Variants in TLE4 observed in about 807,000 individuals in gnomAD.
The protein encoded by TLE4 is transducin-like enhancer protein 4.
Under a neutral mutation model 92.8 loss-of-function variants are expected in TLE4, and 8 were observed. The ratio of observed to expected loss-of-function variants is 0.09; its 90% CI spans 0.05 to 0.16. The LOEUF (loss-of-function observed/expected upper bound fraction) is 0.16. Among genes scored for constraint, TLE4 ranks in the 10% least tolerant of loss-of-function variants. The probability of loss-of-function intolerance (pLI) is 1.00; values close to 1 mark genes in which losing one functional copy is unlikely to be tolerated. For synonymous variants in TLE4, 371 were observed against 374.1 expected (o/e 0.99, Z 0.10); for missense variants, 675 against 997.6 (o/e 0.68, Z 4.36).
At chr9:79,613,366 C>T (rs1478843286) in intron 5 of TLE4, among the ~76,000 whole-genome samples, 1 of 152,040 alleles carries the variant, frequency 6.6e-6, no homozygotes, top group African/African-American at 2.4e-5. Flanking sequence ...AGGGGAAGTG[C>T]ATGCCATCAG....
intron 8 of TLE4, among the ~76,000 whole-genome samples, chr9:79,658,352 T>C: frequency 6.6e-6 from 1 of 152,248 alleles, no homozygotes; most frequent in East Asian, 1.9e-4. Flanking sequence ...AATGCTTTTC[T>C]CTGGGTATAT....
chr9:79,621,074 T>G (rs753221967), intron 5 of TLE4, among the ~76,000 whole-genome samples: 3 of 152,184 alleles, frequency 2.0e-5, no homozygotes, highest in Non-Finnish European at 1.5e-5. Flanking sequence ...GGGACAAATA[T>G]GCAAACTGTA....
At chr9:79,636,779 A>G (rs1481102076) in intron 6 of TLE4, among the ~76,000 whole-genome samples, 1 of 152,092 alleles carries the variant, frequency 6.6e-6, no homozygotes, top group Non-Finnish European at 1.5e-5. Flanking sequence ...AATCTCATTC[A>G]CTTTTGTAGC....
chr9:79,666,997 C>T (rs1245151670), intron 8 of TLE4, among the ~76,000 whole-genome samples: 1 of 152,228 alleles, frequency 6.6e-6, no homozygotes, highest in African/African-American at 2.4e-5. Flanking sequence ...TTCTCAGGCA[C>T]TTTGGAGTTC....
chr9:79,603,963 A>G (rs543213790), intron 4 of TLE4, among the ~76,000 whole-genome samples: 1 of 152,230 alleles, frequency 6.6e-6, no homozygotes, highest in Non-Finnish European at 1.5e-5. Context: ...GCCCTTTTCC[A>G]ATTTGGATTT....
At position 79,699,227 on chromosome 9, in the gene TLE4, G is replaced by C. The variant is rs930925847; in HGVS notation, c.610-5556G>C. Among the ~76,000 whole-genome samples, 8 of 152,260 alleles carry C rather than the reference G, an allele frequency of 5.3e-5. No homozygotes were observed. In the South Asian group the frequency reaches 1.7e-3, roughly 32 times the overall value. The stretch of plus-strand genomic sequence containing the variant: ...GGGTCTTTTGCTTTTCTAAGGGGTT[G>C]CAGAGGAAAATATGATTGAGGACTT... On this transcript the variant is annotated intron_variant, in intron 8 of 19. Coordinates refer to ENST00000376552, the MANE Select transcript of TLE4 (RefSeq NM_007005.6).
At chr9:79,686,761 C>T (rs992648481) in intron 8 of TLE4, among the ~76,000 whole-genome samples, 10 of 152,150 alleles carry the variant, frequency 6.6e-5, no homozygotes, top group South Asian at 6.2e-4. Flanking sequence ...ACTCCAGAAC[C>T]GCAAGAAATA....
At position 79,709,818 on chromosome 9, in the gene TLE4, AC is replaced by A. The variant is rs112666091; in HGVS notation, c.1340+121del. 166 of 714,388 alleles carry A rather than the reference AC, an allele frequency of 2.3e-4. No homozygotes were observed. The African/African-American group carries it at 2.5e-3, about 11-fold the overall frequency. 44.3% of individuals were successfully genotyped at this position (714,388 alleles called of 1,614,324 possible). A position where few individuals can be genotyped will look rare whatever the true frequency, so the allele number is the denominator to read the frequency against. ...GAGTTCCCATGACTTGTATTTTTTT[AC>A]CTTGCAAGGTATTTTTCATTTTCTC... is the stretch of plus-strand genomic sequence containing the variant. On this transcript the variant is annotated intron_variant, in intron 14 of 19. Transcript: ENST00000376552.
intron 4 of TLE4, among the ~76,000 whole-genome samples, chr9:79,607,718 G>T (rs1003371172): frequency 2.6e-5 from 4 of 151,916 alleles, no homozygotes; most frequent in Non-Finnish European, 4.4e-5. Context: ...AGGCCTCTGT[G>T]CTGTTCCATT....
intron 14 of TLE4, among the ~76,000 whole-genome samples, chr9:79,713,531 C>A (rs1031850783): frequency 1.2e-4 from 18 of 152,156 alleles, no homozygotes; most frequent in Admixed American, 1.1e-3. Context: ...CCCTCCAGCC[C>A]TGTATTTCTA....
intron 7 of TLE4, among the ~76,000 whole-genome samples, chr9:79,653,588 A>G (rs1340766118): frequency 6.6e-6 from 1 of 152,216 alleles, no homozygotes; most frequent in African/African-American, 2.4e-5. Flanking sequence ...TACTTAGCAC[A>G]AGGGTGGTTC....
At chr9:79,635,097 G>A (rs1312132800) in intron 6 of TLE4, among the ~76,000 whole-genome samples, 1 of 152,114 alleles carries the variant, frequency 6.6e-6, no homozygotes. Context: ...TATATTACAT[G>A]TAAGAAAACC....
chr9:79,679,359 T>G (rs2063949312), intron 8 of TLE4, among the ~76,000 whole-genome samples: 1 of 152,202 alleles, frequency 6.6e-6, no homozygotes. Context: ...TTTGCATTTC[T>G]CTGATGGCCA....
chr9:79,617,057 T>C (rs2049821633), intron 5 of TLE4, among the ~76,000 whole-genome samples: 1 of 152,188 alleles, frequency 6.6e-6, no homozygotes, highest in African/African-American at 2.4e-5. Flanking sequence ...AAATAGATTC[T>C]ATTTCAGGTT....
At chr9:79,614,123 C>T (rs1240638334) in intron 5 of TLE4, among the ~76,000 whole-genome samples, 1 of 152,084 alleles carries the variant, frequency 6.6e-6, no homozygotes, top group Non-Finnish European at 1.5e-5. Context: ...CTGATCCAGA[C>T]TAGTGTGTAT....
intron 8 of TLE4, among the ~76,000 whole-genome samples, chr9:79,681,831 C>CGT (rs1491447202): frequency 1.9e-4 from 13 of 68,088 alleles, no homozygotes; most frequent in South Asian, 5.6e-4. Flanking sequence ...AGAGTGTGTG[C>CGT]ATGTGTGTGT....
chr9:79,612,864 C>T, intron 5 of TLE4, 146 bp downstream of exon 5: 2 of 670,282 alleles, frequency 3.0e-6, no homozygotes, highest in Non-Finnish European at 5.3e-6. Flanking sequence ...TGTTCTCACT[C>T]CAACTTGTAT....
rs143084601 is a variant in TLE4, at chr9:79,715,777, T to TG, written c.1341-2943dup. 9.8e-3 allele frequency among the ~76,000 whole-genome samples: 1,489 copies of TG among 152,272 alleles called. 32 individuals are homozygous for TG. Among genetic ancestry groups the TG allele is most frequent in the African/African-American group, 0.034 (1,399 of 41,542 alleles). ...CCCCCCAGTATCTTCATCATGGTCT[T>TG]GGACCCCCTCATCTCTAGTGAACAT... On this transcript the variant is annotated intron_variant, in intron 14 of 19. Coordinates refer to ENST00000376552, the MANE Select transcript of TLE4 (RefSeq NM_007005.6).
chr9:79,609,329 C>T (rs756459713), intron 4 of TLE4, among the ~76,000 whole-genome samples: 78 of 152,184 alleles, frequency 5.1e-4, no homozygotes, highest in African/African-American at 1.9e-3. Flanking sequence ...AAGGGATTTT[C>T]GTAGAATGCC....
Sources: allele counts gnomAD v4.1 joint callset (sites outside exome capture counted in the v4.1 genomes callset), GRCh38; gene constraint gnomAD v4.1.1; transcripts MANE v1.5; gene names NCBI Gene and HGNC (gene_info 2026-07-23, HGNC 2026-07-21).